APOBEC1: variants seen among roughly 807,000 people sequenced by gnomAD.
APOBEC1 encodes the protein C->U-editing enzyme APOBEC-1.
A neutral mutation model predicts 26.3 loss-of-function variants in APOBEC1; 22 were observed. The ratio of observed to expected loss-of-function variants is 0.84; its 90% CI spans 0.60 to 1.19. The LOEUF is 1.19. APOBEC1 is among the 50% of genes most tolerant of loss of function. The pLI is 0.00. For synonymous variants in APOBEC1, 77 were observed against 95.3 expected, an observed-to-expected ratio of 0.81 and a Z score of 1.12; for missense variants, 253 against 289.0, an observed-to-expected ratio of 0.88 and a Z score of 0.90.
At chr12:7,659,939 A>G (rs1307570022) in intron 1 of APOBEC1, among the ~76,000 whole-genome samples, 1 of 152,172 alleles carries the variant, frequency 6.6e-6, no homozygotes, top group Admixed American at 6.6e-5. Context: ...ACTGCACTCC[A>G]GCCTGGGCGA....
upstream of APOBEC1, among the ~76,000 whole-genome samples, chr12:7,669,979 C>T (rs1011688378): frequency 3.3e-5 from 5 of 151,618 alleles, no homozygotes; most frequent in East Asian, 1.9e-4. Context: ...CTCCCTACCT[C>T]GCCCACCTCC....
chr12:7,665,799 A>ACACG (rs1044871660), intron 1 of APOBEC1, 58 bp downstream of exon 1: 4 of 1,361,936 alleles, frequency 2.9e-6, no homozygotes, highest in Admixed American at 3.5e-5. Flanking sequence ...ACACACACAC[A>ACACG]CACACACCAT....
At chr12:7,669,756 A>C (rs908924073), upstream of APOBEC1, among the ~76,000 whole-genome samples, 2 of 151,972 alleles carry the variant, frequency 1.3e-5, no homozygotes, top group African/African-American at 4.8e-5. Flanking sequence ...TTACATTTTC[A>C]TCAGGTGTAT....
intron 3 of APOBEC1, among the ~76,000 whole-genome samples, chr12:7,651,578 C>G (rs1328010217): frequency 1.4e-5 from 2 of 147,512 alleles, no homozygotes; most frequent in Admixed American, 6.8e-5. Context: ...CACCACTGCA[C>G]TCCAGCCTGG....
intron 1 of APOBEC1, among the ~76,000 whole-genome samples, chr12:7,660,376 G>GAAGGAAGGAAGGAAAGAAAGAA (rs1290120140): frequency 0.026 from 1,576 of 60,054 alleles, 61 homozygotes; most frequent in Non-Finnish European, 0.042. Context: ...AGGAAGGAAG[G>GAAGGAAGGAAGGAAAGAAAGAA]AAAGAAAGAA....
chr12:7,662,008 G>A (rs535497729), intron 1 of APOBEC1, among the ~76,000 whole-genome samples: 2 of 152,196 alleles, frequency 1.3e-5, no homozygotes, highest in Non-Finnish European at 2.9e-5. Context: ...ACTTCAGGAG[G>A]CTGAGGCGGG....
At chr12:7,669,565 T>A (rs1863930402), upstream of APOBEC1, among the ~76,000 whole-genome samples, 1 of 152,162 alleles carries the variant, frequency 6.6e-6, no homozygotes, top group South Asian at 2.1e-4. Flanking sequence ...AACTCTTTTT[T>A]AAAAAATTGA....
intron 1 of APOBEC1, among the ~76,000 whole-genome samples, chr12:7,661,763 C>A (rs969410768): frequency 1.3e-5 from 2 of 152,068 alleles, no homozygotes; most frequent in Non-Finnish European, 2.9e-5. Flanking sequence ...CCCTTTGAAT[C>A]GTGCTAACCT....
chr12:7,661,926 G>A (rs940037419), intron 1 of APOBEC1, among the ~76,000 whole-genome samples: 2 of 152,184 alleles, frequency 1.3e-5, no homozygotes, highest in Non-Finnish European at 2.9e-5. Context: ...AGGGAGTGGG[G>A]ATTATCTTGA....
At chr12:7,660,701 T>TA (rs34455959) in intron 1 of APOBEC1, among the ~76,000 whole-genome samples, 35,703 of 119,950 alleles carry the variant, frequency 0.3, 6,809 homozygotes, top group East Asian at 0.51. Context: ...AGATTCCATC[T>TA]AAAAAAAAAA....
intron 1 of APOBEC1, among the ~76,000 whole-genome samples, chr12:7,657,980 G>T (rs1272334684): frequency 6.6e-6 from 1 of 152,132 alleles, no homozygotes; most frequent in East Asian, 1.9e-4. Context: ...AAAATGCATG[G>T]ACTGATCAAA....
chr12:7,670,362 G>A (rs1311677672), upstream of APOBEC1, among the ~76,000 whole-genome samples: 1 of 141,898 alleles, frequency 7.0e-6, no homozygotes. Context: ...TACAAGCTTT[G>A]TCATATCTGT....
At chr12:7,669,950 T>C (rs1249420760), upstream of APOBEC1, among the ~76,000 whole-genome samples, 1 of 151,894 alleles carries the variant, frequency 6.6e-6, no homozygotes, top group Non-Finnish European at 1.5e-5. Context: ...CTGAAACTTG[T>C]TCAAATTTTT....
chr12:7,654,858 A>G (rs1344755678), intron 1 of APOBEC1, among the ~76,000 whole-genome samples: 2 of 152,208 alleles, frequency 1.3e-5, no homozygotes, highest in Non-Finnish European at 2.9e-5. Context: ...CAAACAAGGT[A>G]GTCTGCCTTA....
rs768701520 is a variant in APOBEC1, at chr12:7,651,173, A to T, written c.443-32T>A. The T allele has an allele frequency of 4.1e-6, 6 of 1,458,834 alleles. No individual in the cohort carries two copies. In the Middle Eastern group the frequency reaches 5.2e-4, roughly 127 times the overall value. 90.4% of individuals were successfully genotyped at this position (1,458,834 alleles called of 1,614,324 possible). On this transcript the variant is annotated intron_variant, in intron 3 of 4. Coordinates refer to ENST00000229304, the MANE Select transcript of APOBEC1 (RefSeq NM_001644.5). ...AAACACAAATCTTGGCTCATTCAAC[A>T]AGCACAATGGTAAATTACTTAAGAA...
intron 2 of APOBEC1, 80 bp downstream of exon 2, chr12:7,654,525 A>G (rs1863687448): frequency 2.6e-5 from 37 of 1,421,700 alleles, no homozygotes; most frequent in Non-Finnish European, 3.7e-5. Context: ...TTATAGGCGC[A>G]TGTGCCACCA....
chr12:7,658,190 A>G (rs1460811581), intron 1 of APOBEC1, among the ~76,000 whole-genome samples: 1 of 152,102 alleles, frequency 6.6e-6, no homozygotes, highest in Non-Finnish European at 1.5e-5. Context: ...GAGCCTCCCA[A>G]GTAGCTGGGA....
Position 7,652,465 on chromosome 12 carries a change from C to G in APOBEC1, c.415G>C (p.Val139Leu). The G allele has an allele frequency of 1.2e-6, 2 of 1,613,678 alleles. No individual in the cohort carries two copies. The highest frequency in any genetic ancestry group is 1.3e-5 in the African/African-American group (1 of 75,004). Residue 139 changes from valine to leucine, a missense_variant, in exon 3 of 5, where the codon GTA becomes CTA. Transcript: ENST00000229304. ...GATGCTCTCATAATCTGAATAGTTACTCCACTGTTAACAAGGTCCCTGAGA... is the reference window on the plus strand; with the variant it reads ...GATGCTCTCATAATCTGAATAGTTAGTCCACTGTTAACAAGGTCCCTGAGA... Reference protein sequence around the residue: ...QGLRDLVNSGVTIQIMRASEY... With the variant: ...QGLRDLVNSGLTIQIMRASEY...
chr12:7,662,874 G>T (rs140819436), intron 1 of APOBEC1, among the ~76,000 whole-genome samples: 18 of 152,290 alleles, frequency 1.2e-4, no homozygotes, highest in Middle Eastern at 6.8e-3. Flanking sequence ...ACCTGCAATG[G>T]AGGGAGATGA....
Sources: allele counts gnomAD v4.1 joint callset (sites outside exome capture counted in the v4.1 genomes callset), GRCh38; gene constraint gnomAD v4.1.1; transcripts MANE v1.5; gene names NCBI Gene and HGNC (gene_info 2026-07-23, HGNC 2026-07-21).